Variants in ERBB4 observed in about 807,000 individuals in gnomAD.
ERBB4 encodes receptor tyrosine-protein kinase erbB-4.
In ERBB4, 42 loss-of-function variants were observed where a neutral mutation model predicts 158.0. The observed-to-expected ratio is 0.27, with a 90% confidence interval of 0.21 to 0.34. The LOEUF is 0.34. Among genes scored for constraint, ERBB4 ranks in the 10% least tolerant of loss-of-function variants. The pLI is 1.00. For missense variants in ERBB4, 1,333 were observed against 1,624.1 expected, an observed-to-expected ratio of 0.82 and a Z score of 3.08; for synonymous variants, 583 against 558.7, an observed-to-expected ratio of 1.04 and a Z score of -0.61.
At chr2:211,916,280 A>G (rs1284529004) in intron 3 of ERBB4, among the ~76,000 whole-genome samples, 1 of 151,962 alleles carries the variant, frequency 6.6e-6, no homozygotes, top group African/African-American at 2.4e-5. Flanking sequence ...CCCGGGTTCA[A>G]GTGATTCTCC....
chr2:211,833,413 T>C (rs1225566829), intron 3 of ERBB4, among the ~76,000 whole-genome samples: 1 of 151,968 alleles, frequency 6.6e-6, no homozygotes, highest in African/African-American at 2.4e-5. Flanking sequence ...AGGAAACCCT[T>C]CCCAGAAGCT....
At chr2:211,549,427 G>T (rs1175367643) in intron 20 of ERBB4, among the ~76,000 whole-genome samples, 1 of 152,056 alleles carries the variant, frequency 6.6e-6, no homozygotes, top group Admixed American at 6.6e-5. Context: ...TGTTCCTACG[G>T]TCACACTGCA....
chr2:211,384,985 T>C (rs1192565498), intron 27 of ERBB4, among the ~76,000 whole-genome samples: 3 of 152,066 alleles, frequency 2.0e-5, no homozygotes, highest in Admixed American at 2.0e-4. Flanking sequence ...CACGCATGTA[T>C]TGTAAGTCCT....
At chr2:211,772,838 C>CAT (rs1278564933) in intron 4 of ERBB4, among the ~76,000 whole-genome samples, 900 of 18,244 alleles carry the variant, frequency 0.049, 26 homozygotes, top group Non-Finnish European at 0.073. Context: ...TATATATACA[C>CAT]ATATATATAT....
rs149665289 is a variant in ERBB4 at position 212,270,718 on chromosome 2, T to C, written c.83-145815A>G. Among the ~76,000 whole-genome samples, 8 of 151,822 alleles carry C rather than the reference T, an allele frequency of 5.3e-5. No individual in the cohort carries two copies. The East Asian group carries it at 1.2e-3, about 22-fold the overall frequency. ...AAGTCTGATTTCCCTGAGGTTCTTA[T>C]GTTGTAAGAAAGCTCAAGCTAGCTA... is the stretch of plus-strand genomic sequence containing the variant. On this transcript the variant is annotated intron_variant, in intron 1 of 27. Transcript: ENST00000342788.
chr2:212,341,752 A>C (rs538383774), intron 1 of ERBB4, among the ~76,000 whole-genome samples: 1 of 152,320 alleles, frequency 6.6e-6, no homozygotes, highest in East Asian at 1.9e-4. Context: ...CAAACTGGTA[A>C]GAATCTATCT....
intron 2 of ERBB4, among the ~76,000 whole-genome samples, chr2:212,085,291 CATTA>C (rs1559469042): frequency 2.0e-5 from 3 of 151,810 alleles, no homozygotes; most frequent in African/African-American, 7.3e-5. Context: ...CAGAGTGTAA[CATTA>C]ATGAAAATTT....
intron 1 of ERBB4, among the ~76,000 whole-genome samples, chr2:212,235,357 C>T (rs1479745880): frequency 2.6e-5 from 4 of 152,116 alleles, no homozygotes; most frequent in African/African-American, 9.7e-5. Flanking sequence ...GTACCAGTAC[C>T]ATGCTGTTTT....
At chr2:211,907,947 T>TACTTTGC (rs1475717251) in intron 3 of ERBB4, among the ~76,000 whole-genome samples, 1 of 151,866 alleles carries the variant, frequency 6.6e-6, no homozygotes, top group Non-Finnish European at 1.5e-5. Context: ...GAGATTTCTT[T>TACTTTGC]ACTTTGCACA....
chr2:211,694,695 T>C (rs1003465215), intron 12 of ERBB4, among the ~76,000 whole-genome samples: 1 of 152,216 alleles, frequency 6.6e-6, no homozygotes, highest in Non-Finnish European at 1.5e-5. Context: ...TATTCAAAGT[T>C]ACACACTTTA....
intron 23 of ERBB4, among the ~76,000 whole-genome samples, chr2:211,423,806 C>A (rs1413192087): frequency 6.6e-6 from 1 of 151,432 alleles, no homozygotes; most frequent in African/African-American, 2.4e-5. Flanking sequence ...CCATAAAGGT[C>A]ACTAATGTTT....
intron 1 of ERBB4, among the ~76,000 whole-genome samples, chr2:212,283,717 C>T (rs1005092975): frequency 6.6e-6 from 1 of 151,942 alleles, no homozygotes; most frequent in Non-Finnish European, 1.5e-5. Context: ...TTTATTTCAT[C>T]AAAATGGTTT....
chr2:212,118,077 T>C (rs189690435), intron 2 of ERBB4, among the ~76,000 whole-genome samples: 1 of 152,264 alleles, frequency 6.6e-6, no homozygotes, highest in East Asian at 1.9e-4. Context: ...ATGAGGAAGA[T>C]ATGGAAAACA....
At chr2:211,806,413 A>G (rs1249860633) in intron 3 of ERBB4, among the ~76,000 whole-genome samples, 2 of 152,216 alleles carry the variant, frequency 1.3e-5, no homozygotes, top group South Asian at 4.1e-4. Flanking sequence ...TTATGAGTAT[A>G]GAAGGAGACA....
intron 1 of ERBB4, among the ~76,000 whole-genome samples, chr2:212,382,828 GT>G (rs1321328446): frequency 1.3e-5 from 2 of 151,020 alleles, no homozygotes; most frequent in African/African-American, 4.8e-5. Context: ...AATTTATCAT[GT>G]TTTTTCTTTT....
chr2:212,021,980 T>C (rs1258736546), intron 2 of ERBB4, among the ~76,000 whole-genome samples: 1 of 152,198 alleles, frequency 6.6e-6, no homozygotes, highest in Non-Finnish European at 1.5e-5. Flanking sequence ...AGATACCATC[T>C]TACACCAGTC....
intron 2 of ERBB4, among the ~76,000 whole-genome samples, chr2:212,096,758 A>T (rs2078944405): frequency 6.6e-6 from 1 of 152,210 alleles, no homozygotes; most frequent in Non-Finnish European, 1.5e-5. Flanking sequence ...AAGCCAGAGC[A>T]GGATAAGAAA....
At chr2:211,395,084 T>C (rs746252263) in intron 25 of ERBB4, among the ~76,000 whole-genome samples, 12 of 152,122 alleles carry the variant, frequency 7.9e-5, no homozygotes, top group African/African-American at 7.2e-5. Flanking sequence ...TAAAATGTGA[T>C]TAACATTAAA....
At chr2:211,868,759 G>T (rs1165653248) in intron 3 of ERBB4, among the ~76,000 whole-genome samples, 3 of 152,066 alleles carry the variant, frequency 2.0e-5, no homozygotes, top group Non-Finnish European at 4.4e-5. Flanking sequence ...ACTTAATAAA[G>T]ACTTAAAAAT....
Sources: gnomAD v4.1 joint callset for allele counts (sites outside exome capture counted in the v4.1 genomes callset) on GRCh38, gnomAD v4.1.1 for gene constraint, MANE v1.5 for transcripts, NCBI Gene and HGNC (gene_info 2026-07-23, HGNC 2026-07-21) for gene names.